Variants in DCC observed in about 807,000 individuals in gnomAD.
The protein encoded by DCC is DCC netrin 1 receptor.
In DCC, 58 loss-of-function variants were observed where a neutral mutation model predicts 172.5. The ratio of observed to expected loss-of-function variants is 0.34; its 90% CI spans 0.27 to 0.42. DCC has a LOEUF of 0.42. Ranked by LOEUF, DCC falls within the 10% of genes least tolerant of loss-of-function variation. The pLI is 1.00. For missense variants in DCC, 1,740 were observed against 1,791.0 expected, an observed-to-expected ratio of 0.97 and a Z score of 0.51; for synonymous variants, 709 against 644.5, an observed-to-expected ratio of 1.10 and a Z score of -1.52.
chr18:52,709,086 G>A (rs1285507508), intron 1 of DCC, among the ~76,000 whole-genome samples: 1 of 152,058 alleles, frequency 6.6e-6, no homozygotes, highest in Non-Finnish European at 1.5e-5. Context: ...CCCCTGCAAG[G>A]TACTTTGCTG....
At chr18:52,373,152 T>C (rs1431433178) in intron 1 of DCC, among the ~76,000 whole-genome samples, 1 of 152,130 alleles carries the variant, frequency 6.6e-6, no homozygotes, top group Non-Finnish European at 1.5e-5. Flanking sequence ...TACGTGAATT[T>C]AGTAGAAGCA....
At chr18:52,402,784 G>A (rs983939618) in intron 1 of DCC, among the ~76,000 whole-genome samples, 5 of 151,928 alleles carry the variant, frequency 3.3e-5, no homozygotes, top group African/African-American at 1.2e-4. Flanking sequence ...GTGATAATAG[G>A]GAAAGTAGGG....
intron 1 of DCC, among the ~76,000 whole-genome samples, chr18:52,644,039 T>G (rs1210779117): frequency 1.3e-5 from 2 of 152,084 alleles, no homozygotes; most frequent in Non-Finnish European, 2.9e-5. Context: ...GGAGTCCATA[T>G]GAAATCCATA....
intron 5 of DCC, among the ~76,000 whole-genome samples, chr18:52,988,879 G>A (rs778390703): frequency 1.3e-4 from 20 of 151,800 alleles, no homozygotes; most frequent in Non-Finnish European, 2.4e-4. Flanking sequence ...GCTATGAATT[G>A]ACTTGTAAAT....
At chr18:52,528,394 A>G (rs2032045968) in intron 1 of DCC, among the ~76,000 whole-genome samples, 1 of 152,200 alleles carries the variant, frequency 6.6e-6, no homozygotes, top group Non-Finnish European at 1.5e-5. Flanking sequence ...GATTTATTAT[A>G]AAGATACATA....
intron 1 of DCC, among the ~76,000 whole-genome samples, chr18:52,660,153 T>G (rs2144945181): frequency 6.6e-6 from 1 of 152,254 alleles, no homozygotes; most frequent in East Asian, 1.9e-4. Context: ...TGTGTAAACA[T>G]ATTAGCAGGT....
intron 1 of DCC, among the ~76,000 whole-genome samples, chr18:52,619,897 C>G (rs11873079): frequency 0.019 from 2,963 of 152,212 alleles, 100 homozygotes; most frequent in African/African-American, 0.068. Flanking sequence ...GTGATAAGCA[C>G]CAGTCATAAA....
At chr18:52,393,416 A>G (rs938542645) in intron 1 of DCC, among the ~76,000 whole-genome samples, 2 of 152,048 alleles carry the variant, frequency 1.3e-5, no homozygotes, top group Admixed American at 1.3e-4. Context: ...TAAAAATGCA[A>G]ATCTTGAATC....
intron 1 of DCC, among the ~76,000 whole-genome samples, chr18:52,503,453 A>G (rs1222864231): frequency 3.9e-5 from 6 of 152,162 alleles, no homozygotes. Flanking sequence ...CTGAAATACA[A>G]TATATTTATA....
chr18:52,917,946 T>C (rs2040065101), intron 3 of DCC, among the ~76,000 whole-genome samples: 1 of 151,866 alleles, frequency 6.6e-6, no homozygotes, highest in South Asian at 2.1e-4. Flanking sequence ...TATGCTTTTG[T>C]AGATTTTAAT....
chr18:53,205,253 A>G lies in DCC; in HGVS notation c.1611A>G (p.Val537=). 1.2e-6 allele frequency: 2 copies of G among 1,613,452 alleles called. No individual in the cohort carries two copies. Among genetic ancestry groups the G allele is most frequent in the Non-Finnish European group, 1.7e-6 (2 of 1,179,410 alleles). ...GGCCAGTAGAAAACCTGCAAGCTGT[A>G]TCTACCTCACCTACCTCAATTCTTA... ...VPGPVENLQA[V]STSPTSILIT... The change falls in exon 10 of 29, where the codon GTA becomes GTG. Residue 537 remains valine, a synonymous_variant. Transcript: ENST00000442544.
chr18:53,090,812 T>A (rs1479253554), intron 7 of DCC, among the ~76,000 whole-genome samples: 1 of 148,764 alleles, frequency 6.7e-6, no homozygotes, highest in Non-Finnish European at 1.5e-5. Flanking sequence ...TTTTTCAAAG[T>A]TCAACTAGAA....
chr18:52,436,661 A>T (rs1987804764), intron 1 of DCC, among the ~76,000 whole-genome samples: 1 of 152,212 alleles, frequency 6.6e-6, no homozygotes, highest in South Asian at 2.1e-4. Flanking sequence ...TAATTCCAGC[A>T]CTTTAGGAGG....
intron 1 of DCC, among the ~76,000 whole-genome samples, chr18:52,389,404 T>C (rs1258520972): frequency 6.6e-6 from 1 of 152,094 alleles, no homozygotes; most frequent in Non-Finnish European, 1.5e-5. Flanking sequence ...TAACTGGACG[T>C]CTTGGATTTT....
intron 7 of DCC, among the ~76,000 whole-genome samples, chr18:53,111,843 C>T (rs1296521353): frequency 6.6e-6 from 1 of 151,596 alleles, no homozygotes; most frequent in Non-Finnish European, 1.5e-5. Flanking sequence ...AAGCACAAGT[C>T]ATGTTAGATA....
chr18:52,562,557 T>C (rs1300240486), intron 1 of DCC, among the ~76,000 whole-genome samples: 4 of 152,152 alleles, frequency 2.6e-5, no homozygotes, highest in Non-Finnish European at 5.9e-5. Context: ...GAGTGGTCAA[T>C]CATCATGTTA....
intron 12 of DCC, among the ~76,000 whole-genome samples, chr18:53,276,710 T>TGAGTAGAAAGGAGCTTGG (rs1295828076): frequency 1.3e-5 from 2 of 152,114 alleles, no homozygotes; most frequent in Non-Finnish European, 2.9e-5. Flanking sequence ...CATGCCTTCT[T>TGAGTAGAAAGGAGCTTGG]GAGTAGAAAG....
chr18:53,076,484 T>G (rs2144121821), intron 7 of DCC, among the ~76,000 whole-genome samples: 1 of 152,322 alleles, frequency 6.6e-6, no homozygotes, highest in South Asian at 2.1e-4. Flanking sequence ...AAGGCTTTAC[T>G]TTGGCTGTAT....
chr18:52,769,259 T>C (rs924129118), intron 2 of DCC, among the ~76,000 whole-genome samples: 2 of 152,208 alleles, frequency 1.3e-5, no homozygotes, highest in African/African-American at 4.8e-5. Context: ...GTTCTGACTT[T>C]TGGGCATTCT....
Sources: allele counts gnomAD v4.1 joint callset (sites outside exome capture counted in the v4.1 genomes callset), GRCh38; gene constraint gnomAD v4.1.1; transcripts MANE v1.5; gene names NCBI Gene and HGNC (gene_info 2026-07-23, HGNC 2026-07-21).